The following GPR137 variants were observed in gnomAD, a reference collection of about 807,000 sequenced individuals.
The protein encoded by GPR137 is G protein-coupled receptor 137, also known as integral membrane protein GPR137.
Under a neutral mutation model 38.9 loss-of-function variants are expected in GPR137, and 20 were observed. The observed-to-expected ratio is 0.51, with a 90% CI of 0.36 to 0.75. The LOEUF is 0.75. Ranked by LOEUF, GPR137 falls within the 30% of genes least tolerant of loss-of-function variation. The pLI, the probability that GPR137 is intolerant of heterozygous loss-of-function variation, is 0.00. For synonymous variants in GPR137, 226 were observed against 235.8 expected (o/e 0.96, Z 0.38); for missense variants, 456 against 526.4 (o/e 0.87, Z 1.31).
upstream of GPR137, among the ~76,000 whole-genome samples, chr11:64,273,277 G>A (rs2032776727): frequency 6.6e-6 from 1 of 152,228 alleles, no homozygotes; most frequent in South Asian, 2.1e-4. Flanking sequence ...GGAGGCTGAA[G>A]CAGGAGAACT....
upstream of GPR137, chr11:64,284,644 TCGAGGCCCCTGACC>T: frequency 6.5e-7 from 1 of 1,531,046 alleles, no homozygotes; most frequent in Non-Finnish European, 8.7e-7. Flanking sequence ...AAGCCCGATC[TCGAGGCCCCTGACC>T]CGGGCCTGCC....
chr11:64,284,050 A>G (rs2135151024), upstream of GPR137: 1 of 1,121,152 alleles, frequency 8.9e-7, no homozygotes, highest in South Asian at 1.6e-5. Context: ...GTTTTACGAA[A>G]GAGGAAACTG....
At chr11:64,287,048 C>G in intron 2 of GPR137, 34 bp downstream of exon 2, 1 of 1,606,504 alleles carries the variant, frequency 6.2e-7, no homozygotes, top group Non-Finnish European at 8.5e-7. Flanking sequence ...GCTCAGCCTC[C>G]AGGTCAGGGG....
chr11:64,273,238 T>TG (rs778737795), upstream of GPR137, among the ~76,000 whole-genome samples: 12 of 152,166 alleles, frequency 7.9e-5, no homozygotes, highest in Non-Finnish European at 1.0e-4. Flanking sequence ...TTAGGTGTGG[T>TG]GGTTCACGCC....
chr11:64,278,835 G>A (rs1022244510), intron 2 of GPR137, among the ~76,000 whole-genome samples: 3 of 152,244 alleles, frequency 2.0e-5, no homozygotes, highest in African/African-American at 7.2e-5. Context: ...AACCAAGTGT[G>A]AGTTGCTCTG....
At chr11:64,285,020 C>G (rs1448377536), upstream of GPR137, 2 of 1,200,290 alleles carry the variant, frequency 1.7e-6, no homozygotes, top group Non-Finnish European at 2.1e-6. Flanking sequence ...ATAGTGACAG[C>G]TCCCCCGGGA....
rs1295127446 is a variant in GPR137, at chr11:64,288,882, C to G, written c.1032-155C>G. 1 of 985,176 alleles carries G rather than the reference C, an allele frequency of 1.0e-6. No homozygotes were observed. The highest frequency in any genetic ancestry group is 1.2e-6 in the Non-Finnish European group (1 of 829,880). 61.0% of individuals were successfully genotyped at this position (985,176 alleles called of 1,614,324 possible). The stretch of plus-strand genomic sequence containing the variant: ...GGTGAGGTCCCCTGGGTTCCTATTG[C>G]TAAAGCCTCCACCTCTTGCCTAGAG... On this transcript the variant is annotated intron_variant, in intron 6 of 6. Transcript: ENST00000438980. The surrounding 1 kb of genome is among the most constrained non-coding windows in gnomAD (Gnocchi z 5.5).
upstream of GPR137, among the ~76,000 whole-genome samples, chr11:64,271,296 TCACACACA>T (rs1176064923): frequency 0.012 from 28 of 2,266 alleles, 2 homozygotes; most frequent in African/African-American, 0.029. Context: ...CCTGTGACTC[TCACACACA>T]CACACACACA....
At chr11:64,280,200 G>A (rs2033357083), upstream of GPR137, among the ~76,000 whole-genome samples, 1 of 150,124 alleles carries the variant, frequency 6.7e-6, no homozygotes, top group Non-Finnish European at 1.5e-5. Flanking sequence ...GGAGGCTGTA[G>A]TCCGAGCTAC....
In GPR137 at chr11:64,286,298, C is replaced by T. The variant is rs2034036198; in HGVS notation, c.-227C>T. On this transcript the variant is annotated 5_prime_UTR_variant, in exon 1 of 7. Transcript: ENST00000438980. ...TCTGTCCTGGAGAAAAGAGACTGCC[C>T]TTCCATGCCCCTGAGTGAGGGGCCT... 2 of 1,397,680 alleles carry T rather than the reference C, an allele frequency of 1.4e-6. No homozygotes were observed. The highest frequency in any genetic ancestry group is 1.8e-6 in the Non-Finnish European group (2 of 1,081,142). 86.6% of individuals were successfully genotyped at this position (1,397,680 alleles called of 1,614,324 possible). A position where few individuals can be genotyped will look rare whatever the true frequency, so the allele number is the denominator to read the frequency against.
At chr11:64,273,231 G>T (rs1466732360), upstream of GPR137, among the ~76,000 whole-genome samples, 2 of 152,208 alleles carry the variant, frequency 1.3e-5, no homozygotes, top group Non-Finnish European at 2.9e-5. Flanking sequence ...AAATTAGTTA[G>T]GTGTGGTGGT....
In GPR137 at chr11:64,288,157, G is replaced by T. The variant is rs758885319; in HGVS notation, c.726G>T (p.Leu242Phe). ...GCTACAACCTGACAGCACTGGCCTT[G>T]GCCCCCCAGAGCCGGCTGGACACCT... The part of the protein sequence containing the change: ...RACYNLTALA[L>F]APQSRLDTFD... Residue 242 changes from leucine to phenylalanine, a missense_variant, in exon 4 of 7, where the codon TTG becomes TTT. Transcript: ENST00000438980. This position sits in a 1 kb window ranked among gnomAD's most constrained non-coding sequence, Gnocchi z 5.5. The T allele has an allele frequency of 6.2e-6, 10 of 1,613,126 alleles. No homozygotes were observed. The highest frequency in any genetic ancestry group is 8.5e-6 in the Non-Finnish European group (10 of 1,179,992).
chr11:64,279,196 C>A (rs1463258319), intron 2 of GPR137, among the ~76,000 whole-genome samples: 2 of 152,168 alleles, frequency 1.3e-5, no homozygotes, highest in East Asian at 3.9e-4. Flanking sequence ...GCCTTGTCAC[C>A]ATCAAATAAC....
chr11:64,276,890 C>T, intron 2 of GPR137: 1 of 754,500 alleles, frequency 1.3e-6, no homozygotes, highest in Admixed American at 1.8e-5. Context: ...GTGCCCCAGG[C>T]CCCAGCATGG....
chr11:64,277,572 G>C (rs2033159726), intron 2 of GPR137, among the ~76,000 whole-genome samples: 1 of 152,122 alleles, frequency 6.6e-6, no homozygotes, highest in South Asian at 2.1e-4. Context: ...TGAGTAGCTT[G>C]GACTACAGGC....
chr11:64,277,162 C>T (rs2033130631), intron 2 of GPR137: 1 of 596,420 alleles, frequency 1.7e-6, no homozygotes, highest in East Asian at 2.9e-5. Context: ...GCTCTGCCAT[C>T]AGGCAAGGGC....
At position 64,288,666 on chromosome 11, in the gene GPR137, G is replaced by T; in HGVS notation, c.976G>T (p.Gly326Trp). ...ASRSYFFDRA[G>W]HCEDEGCSWE... ...TCGGTCCTACTTCTTTGACCGGGCT[G>T]GGCACTGTGAAGATGAGGGCTGCTC... is the stretch of plus-strand genomic sequence containing the variant. Residue 326 changes from glycine to tryptophan, a missense_variant, in exon 6 of 7, where the codon GGG (glycine) becomes TGG (tryptophan). By Grantham distance (184) the Gly-to-Trp change is radical. Coordinates refer to ENST00000438980, the MANE Select transcript of GPR137 (RefSeq NM_001170880.2). This position sits in a 1 kb window ranked among gnomAD's most constrained non-coding sequence, Gnocchi z 5.5. 2 of 1,599,632 alleles carry T rather than the reference G, an allele frequency of 1.3e-6. No homozygotes were observed. The highest frequency in any genetic ancestry group is 1.7e-6 in the Non-Finnish European group (2 of 1,172,108).
upstream of GPR137, chr11:64,271,680 A>G: frequency 6.7e-7 from 1 of 1,489,132 alleles, no homozygotes. Context: ...TGCTGCCCAG[A>G]GGTTGGGGGG....
At chr11:64,284,136 G>A (rs764551221), upstream of GPR137, 1 of 1,522,998 alleles carries the variant, frequency 6.6e-7, no homozygotes, top group African/African-American at 1.4e-5. Context: ...GAGCCAGTGG[G>A]CTGGGGGTGA....
Sources: gnomAD v4.1 joint callset for allele counts (sites outside exome capture counted in the v4.1 genomes callset) on GRCh38, gnomAD v4.1.1 for gene constraint, Gnocchi (gnomAD v3.1) non-coding constraint, MANE v1.5 for transcripts, NCBI Gene and HGNC (gene_info 2026-07-23, HGNC 2026-07-21) for gene names.